The following LRRC27 variants were observed in gnomAD, a reference collection of about 807,000 sequenced individuals.
LRRC27 encodes the protein leucine-rich repeat-containing protein 27.
A neutral mutation model predicts 55.0 loss-of-function variants in LRRC27; 57 were observed. The observed-to-expected ratio is 1.04, with a 90% confidence interval of 0.84 to 1.29. The LOEUF (loss-of-function observed/expected upper bound fraction) is 1.29. Among genes scored for constraint, LRRC27 ranks in the 50% most tolerant of loss-of-function variants. The probability of loss-of-function intolerance (pLI) is 0.00; values close to 1 mark genes in which losing one functional copy is unlikely to be tolerated. For missense variants in LRRC27, 721 were observed against 651.5 expected (o/e 1.11, Z -1.16); for synonymous variants, 278 against 251.9 (o/e 1.10, Z -0.98).
intron 2 of LRRC27, chr10:132,336,935 A>G: frequency 1.6e-6 from 1 of 620,206 alleles, no homozygotes; most frequent in Non-Finnish European, 2.8e-6. Flanking sequence ...CATTTTACAC[A>G]GCTAAAATCA....
intron 3 of LRRC27, among the ~76,000 whole-genome samples, chr10:132,338,710 C>CT (rs928264937): frequency 0.022 from 3,091 of 139,950 alleles, 83 homozygotes; most frequent in African/African-American, 0.059. Flanking sequence ...TTCTTTCTTT[C>CT]TTTTTTTTTT....
chr10:132,342,499 G>C (rs2067463391), intron 4 of LRRC27, among the ~76,000 whole-genome samples: 1 of 152,170 alleles, frequency 6.6e-6, no homozygotes, highest in South Asian at 2.1e-4. Flanking sequence ...GTCACAGTGA[G>C]GGCCATTGGC....
intron 2 of LRRC27, chr10:132,335,146 CA>C (rs771024402): frequency 1.1e-4 from 16 of 152,248 alleles, no homozygotes; most frequent in Non-Finnish European, 1.5e-4. Context: ...ACTCAGAGAA[CA>C]GTGGAAGAAA....
chr10:132,367,815 C>G (rs1212591452), intron 10 of LRRC27, among the ~76,000 whole-genome samples: 3 of 152,210 alleles, frequency 2.0e-5, no homozygotes, highest in African/African-American at 7.2e-5. Context: ...CAAAGATATT[C>G]CCTCTCACTG....
At chr10:132,371,902 A>C (rs1470068304) in intron 10 of LRRC27, among the ~76,000 whole-genome samples, 1 of 152,176 alleles carries the variant, frequency 6.6e-6, no homozygotes, top group Non-Finnish European at 1.5e-5. Flanking sequence ...ACACTGCTCC[A>C]CCTGGTCTCA....
chr10:132,343,031 C>T (rs1208019449), intron 4 of LRRC27, among the ~76,000 whole-genome samples: 11 of 152,282 alleles, frequency 7.2e-5, no homozygotes, highest in South Asian at 4.1e-4. Flanking sequence ...GTTGAGACCA[C>T]GCATAGTGGC....
rs41290021 is a variant in LRRC27, at chr10:132,353,168, C to G, written c.1073+1415C>G. On this transcript the variant is annotated intron_variant, in intron 7 of 10. Coordinates refer to ENST00000368614, the MANE Select transcript of LRRC27 (RefSeq NM_030626.3). The stretch of plus-strand genomic sequence containing the variant: ...CCAGCGGGGGCCCCCAGCAGGAGGT[C>G]GAGGAGGAAGGGAGAGCGAGGGCCT... 2.1e-5 allele frequency: 30 copies of G among 1,427,118 alleles called. No individual in the cohort carries two copies. The South Asian group carries it at 4.1e-4, about 19-fold the overall frequency. The allele number at this position is 1,427,118 out of a possible 1,614,324, so 88.4% of individuals were successfully genotyped here.
intron 7 of LRRC27, among the ~76,000 whole-genome samples, chr10:132,354,728 G>A (rs905284363): frequency 2.0e-5 from 3 of 152,250 alleles, no homozygotes; most frequent in Non-Finnish European, 4.4e-5. Flanking sequence ...CGCAAGGAAG[G>A]AGAGCAGAGG....
chr10:132,375,187 A>G lies in LRRC27; in HGVS notation c.1538A>G (p.Asn513Ser). The G allele has an allele frequency of 3.7e-6, 6 of 1,614,110 alleles. No individual in the cohort carries two copies. The highest frequency in any genetic ancestry group is 5.1e-6 in the Non-Finnish European group (6 of 1,179,972). ...SLGLPAAQPQ[N>S]TFFNTKYGES... is the part of the protein sequence containing the mutation. ...GGCCTGCCGGCAGCACAGCCTCAAA[A>G]TACATTTTTTAACACAAAATATGGA... Residue 513 changes from asparagine to serine, a missense_variant, in exon 11 of 11, where the codon AAT becomes AGT. Asn to Ser is a conservative substitution (Grantham distance 46, BLOSUM62 1). Coordinates refer to ENST00000368614, the MANE Select transcript of LRRC27 (RefSeq NM_030626.3).
intron 3 of LRRC27, among the ~76,000 whole-genome samples, chr10:132,338,706 CTTTCTTT>C (rs2067245301): frequency 6.7e-6 from 1 of 149,312 alleles, no homozygotes. Context: ...TCTTTTCTTT[CTTTCTTT>C]TTTTTTTTTT....
At chr10:132,336,176 C>T (rs897789499) in intron 2 of LRRC27, among the ~76,000 whole-genome samples, 10 of 152,082 alleles carry the variant, frequency 6.6e-5, no homozygotes, top group African/African-American at 2.2e-4. Context: ...GCATTGAGAA[C>T]GACATGGTTT....
upstream of LRRC27, chr10:132,330,183 C>T: frequency 2.2e-6 from 1 of 462,980 alleles, no homozygotes; most frequent in Non-Finnish European, 4.0e-6. Flanking sequence ...AAGGGCAAAA[C>T]ATGCTCGTAC....
At chr10:132,364,843 C>CTTACACCCA (rs1564855237) in intron 9 of LRRC27, among the ~76,000 whole-genome samples, 5 of 115,514 alleles carry the variant, frequency 4.3e-5, no homozygotes, top group African/African-American at 8.6e-5. Context: ...CACGCCCACA[C>CTTACACCCA]CCTGGGGCCC....
chr10:132,352,028 C>T (rs867181107), intron 7 of LRRC27, among the ~76,000 whole-genome samples: 1 of 105,006 alleles, frequency 9.5e-6, no homozygotes, highest in Non-Finnish European at 1.9e-5. Context: ...GGCGCTGAGG[C>T]CTCCGTGTGG....
upstream of LRRC27, among the ~76,000 whole-genome samples, chr10:132,331,147 G>A (rs1215948271): frequency 6.9e-6 from 1 of 144,138 alleles, no homozygotes; most frequent in Non-Finnish European, 1.5e-5. Context: ...GTCGCAGTGG[G>A]CCGAGATCGC....
intron 9 of LRRC27, among the ~76,000 whole-genome samples, chr10:132,364,429 G>C (rs74220215): frequency 0.17 from 1,099 of 6,538 alleles, 37 homozygotes; most frequent in East Asian, 0.3. Context: ...TTACACCCAC[G>C]CTTACATCTA....
upstream of LRRC27, among the ~76,000 whole-genome samples, chr10:132,330,701 G>C (rs1358045968): frequency 9.3e-6 from 1 of 107,420 alleles, no homozygotes; most frequent in Admixed American, 9.8e-5. Context: ...TTTAATTTTT[G>C]TAGAGACTGG....
chr10:132,335,575 T>G (rs2067085463), intron 2 of LRRC27, among the ~76,000 whole-genome samples: 2 of 141,486 alleles, frequency 1.4e-5, no homozygotes, highest in East Asian at 2.1e-4. Flanking sequence ...CTGAGTACTA[T>G]GGGGGGGGTC....
At chr10:132,339,006 G>T (rs921384648) in intron 3 of LRRC27, among the ~76,000 whole-genome samples, 4 of 152,170 alleles carry the variant, frequency 2.6e-5, no homozygotes, top group African/African-American at 9.7e-5. Context: ...CCCCGCGCCC[G>T]GCTACCTGAA....
Sources: gnomAD v4.1 joint callset for allele counts (sites outside exome capture counted in the v4.1 genomes callset) on GRCh38, gnomAD v4.1.1 for gene constraint, MANE v1.5 for transcripts, NCBI Gene and HGNC (gene_info 2026-07-23, HGNC 2026-07-21) for gene names.